The following DNAH11 variants were observed in gnomAD, a reference collection of about 807,000 sequenced individuals.
DNAH11 encodes dynein axonemal heavy chain 11, also known as axonemal beta dynein heavy chain 11.
A neutral mutation model predicts 526.0 loss-of-function variants in DNAH11; 442 were observed. The ratio of observed to expected loss-of-function variants is 0.84; its 90% confidence interval spans 0.78 to 0.91. DNAH11 has a LOEUF of 0.91. DNAH11 is among the 40% of genes least tolerant of loss of function. The probability of loss-of-function intolerance (pLI) is 0.00; values close to 1 mark genes in which losing one functional copy is unlikely to be tolerated. For missense variants in DNAH11, 6,989 were observed against 5,448.7 expected, an observed-to-expected ratio of 1.28 and a Z score of -8.90; for synonymous variants, 2,461 against 1,935.9, an observed-to-expected ratio of 1.27 and a Z score of -7.12.
chr7:21,827,648 A>C (rs1361217990), intron 65 of DNAH11, among the ~76,000 whole-genome samples: 1 of 136,334 alleles, frequency 7.3e-6, no homozygotes, highest in Non-Finnish European at 1.5e-5. Context: ...ATATGATTTA[A>C]AAAATTTATT....
chr7:21,655,022 A>G (rs1442023285), intron 28 of DNAH11, among the ~76,000 whole-genome samples: 1 of 152,168 alleles, frequency 6.6e-6, no homozygotes, highest in Non-Finnish European at 1.5e-5. Flanking sequence ...TGCAAAATAA[A>G]TGCTAATGTT....
chr7:21,661,884 A>G (rs1782255786), intron 30 of DNAH11, among the ~76,000 whole-genome samples: 9 of 152,048 alleles, frequency 5.9e-5, no homozygotes, highest in Admixed American at 5.9e-4. Flanking sequence ...CAATGGCACA[A>G]TCTCAGCTCA....
rs558141011 is a variant in DNAH11 at position 21,658,500 on chromosome 7, G to A, written c.5095-298G>A. Among the ~76,000 whole-genome samples the A allele has an allele frequency of 2.6e-5, 4 of 152,278 alleles. No homozygotes were observed. In the East Asian group the frequency reaches 7.7e-4, roughly 29 times the overall value. On this transcript the variant is annotated intron_variant, in intron 29 of 81. Coordinates refer to ENST00000409508, the MANE Select transcript of DNAH11 (RefSeq NM_001277115.2). ...CTAGAACCTCCTTGCCTTCAAAGCT[G>A]AGAAATGAATAGTGAAGAACCCCTT... is the stretch of plus-strand genomic sequence containing the variant.
chr7:21,849,548 T>C (rs1202154638), intron 66 of DNAH11, among the ~76,000 whole-genome samples: 1 of 152,242 alleles, frequency 6.6e-6, no homozygotes, highest in African/African-American at 2.4e-5. Flanking sequence ...AGAAAGCTTT[T>C]ATTACGCTTT....
intron 65 of DNAH11, among the ~76,000 whole-genome samples, chr7:21,839,313 G>A (rs1383871755): frequency 6.6e-6 from 1 of 152,000 alleles, no homozygotes; most frequent in African/African-American, 2.4e-5. Context: ...GGTGACTCAC[G>A]CCTGTAATCC....
At chr7:21,705,136 CATT>C (rs1376710696) in intron 38 of DNAH11, among the ~76,000 whole-genome samples, 1 of 149,976 alleles carries the variant, frequency 6.7e-6, no homozygotes, top group Non-Finnish European at 1.5e-5. Context: ...GGATATAAAT[CATT>C]AGTTGTAGAT....
chr7:21,617,865 T>C, intron 23 of DNAH11, 88 bp downstream of exon 23: 1 of 1,353,640 alleles, frequency 7.4e-7, no homozygotes. Flanking sequence ...AAGTGTAATT[T>C]ATGAAAAGAC....
At chr7:21,822,058 A>G (rs535859133) in intron 65 of DNAH11, among the ~76,000 whole-genome samples, 6 of 152,246 alleles carry the variant, frequency 3.9e-5, no homozygotes, top group South Asian at 4.1e-4. Context: ...TTATGGATGA[A>G]TAGTATTTCA....
chr7:21,790,112 T>A (rs1788412318), intron 61 of DNAH11, among the ~76,000 whole-genome samples: 2 of 151,858 alleles, frequency 1.3e-5, no homozygotes, highest in Admixed American at 1.3e-4. Flanking sequence ...GTAATTCATA[T>A]TAAGAATTTA....
chr7:21,788,079 A>C (rs779575622), intron 60 of DNAH11, among the ~76,000 whole-genome samples: 10 of 152,170 alleles, frequency 6.6e-5, no homozygotes, highest in Non-Finnish European at 1.5e-4. Context: ...ACTTTTCGGC[A>C]GTGTAGAGAT....
At chr7:21,855,802 GTA>G (rs1782823266) in intron 68 of DNAH11, among the ~76,000 whole-genome samples, 1 of 151,968 alleles carries the variant, frequency 6.6e-6, no homozygotes, top group African/African-American at 2.4e-5. Flanking sequence ...AAGGGTGGAG[GTA>G]TATCTATATG....
intron 28 of DNAH11, among the ~76,000 whole-genome samples, chr7:21,653,448 C>G (rs568177904): frequency 6.6e-6 from 1 of 152,230 alleles, no homozygotes; most frequent in African/African-American, 2.4e-5. Flanking sequence ...CATTGAGTTA[C>G]TATAGAGCTA....
At chr7:21,859,671 C>T (rs1583782261) in intron 68 of DNAH11, among the ~76,000 whole-genome samples, 2 of 152,186 alleles carry the variant, frequency 1.3e-5, no homozygotes, top group South Asian at 4.1e-4. Flanking sequence ...TGGTCCCTAT[C>T]ATCCAAAAAT....
rs556965993 is a variant in DNAH11, at chr7:21,901,256, G to T, written c.*2G>T. On this transcript the variant is annotated 3_prime_UTR_variant, in exon 82 of 82. Coordinates refer to ENST00000409508, the MANE Select transcript of DNAH11 (RefSeq NM_001277115.2). ...GTGGCTCTGCTTCTAGAAGCGTAAG[G>T]TAACACTGGCATTCCTCTAGCCTCT... 8 of 1,608,146 alleles carry T rather than the reference G, an allele frequency of 5.0e-6. No homozygotes were observed. The Admixed American group carries it at 1.3e-4, about 27-fold the overall frequency.
At chr7:21,833,974 G>C (rs971643119) in intron 65 of DNAH11, among the ~76,000 whole-genome samples, 1 of 152,090 alleles carries the variant, frequency 6.6e-6, no homozygotes, top group Non-Finnish European at 1.5e-5. Flanking sequence ...AGAAACATCA[G>C]AGTTAAACCA....
intron 36 of DNAH11, among the ~76,000 whole-genome samples, chr7:21,700,023 G>A (rs1396467829): frequency 6.6e-6 from 1 of 152,146 alleles, no homozygotes; most frequent in African/African-American, 2.4e-5. Flanking sequence ...TTTATTGAAT[G>A]AGTACTATGT....
At chr7:21,639,171 C>G (rs959415095) in intron 28 of DNAH11, 106 bp downstream of exon 28, 6 of 1,339,844 alleles carry the variant, frequency 4.5e-6, no homozygotes, top group South Asian at 1.7e-5. Context: ...GGGCCAGGAA[C>G]TAGAAAATCT....
intron 18 of DNAH11, among the ~76,000 whole-genome samples, chr7:21,604,979 G>C (rs1470132239): frequency 6.6e-6 from 1 of 152,186 alleles, no homozygotes; most frequent in East Asian, 1.9e-4. Context: ...TGGTATTCCT[G>C]TCATGTCACC....
chr7:21,787,604 G>A, intron 60 of DNAH11, 21 bp downstream of exon 60: 1 of 1,571,866 alleles, frequency 6.4e-7, no homozygotes. Context: ...TAAATTGATT[G>A]TTTACAGATG....
Sources: allele counts gnomAD v4.1 joint callset (sites outside exome capture counted in the v4.1 genomes callset), GRCh38; gene constraint gnomAD v4.1.1; transcripts MANE v1.5; gene names NCBI Gene and HGNC (gene_info 2026-07-23, HGNC 2026-07-21).